Variants in EIF4E3 observed in about 807,000 individuals in gnomAD.
The protein encoded by EIF4E3 is eukaryotic translation initiation factor 4E type 3.
Under a neutral mutation model 31.7 loss-of-function variants are expected in EIF4E3, and 26 were observed. The ratio of observed to expected loss-of-function variants is 0.82; its 90% CI spans 0.60 to 1.14. The LOEUF is 1.14. Ranked by LOEUF, EIF4E3 falls within the 50% of genes most tolerant of loss-of-function variation. EIF4E3 has a pLI of 0.00. For missense variants in EIF4E3, 304 were observed against 270.9 expected (o/e 1.12, Z -0.86); for synonymous variants, 128 against 107.7 (o/e 1.19, Z -1.17).
At chr3:71,699,007 G>A (rs1260417172) in intron 3 of EIF4E3, among the ~76,000 whole-genome samples, 2 of 152,144 alleles carry the variant, frequency 1.3e-5, no homozygotes, top group Non-Finnish European at 2.9e-5. Flanking sequence ...CATTGCTGGA[G>A]CCCAGGAGTT....
At chr3:71,659,717 T>G in the EIF4E3 span, among the ~76,000 whole-genome samples, 1 of 152,210 alleles carries the variant, frequency 6.6e-6, no homozygotes. Context: ...TCTCACACTG[T>G]GGTCACAACA....
rs759031097 is a variant in EIF4E3 at position 71,679,403 on chromosome 3, T to A, written c.*5279A>T. On this transcript the variant is annotated 3_prime_UTR_variant, in exon 7 of 7. Coordinates refer to ENST00000425534, the MANE Select transcript of EIF4E3 (RefSeq NM_001134651.2). ...TGACTTCGATATTAGAAATTGAAAT[T>A]TTCATAAAGAAATCTTGCATTTCAC... The A allele has an allele frequency of 5.3e-5, 8 of 152,186 alleles. No individual in the cohort carries two copies. Among genetic ancestry groups the A allele is most frequent in the Non-Finnish European group, 1.2e-4 (8 of 68,000 alleles). The allele number at this position is 152,186 out of a possible 1,614,324, so 9.4% of individuals were successfully genotyped here. A position where few individuals can be genotyped will look rare whatever the true frequency, so the allele number is the denominator to read the frequency against.
At chr3:71,744,900 G>C (rs2049855948) in intron 1 of EIF4E3, among the ~76,000 whole-genome samples, 1 of 152,236 alleles carries the variant, frequency 6.6e-6, no homozygotes, top group African/African-American at 2.4e-5. Flanking sequence ...GAAGAGAACA[G>C]CATGCTTTGG....
intron 1 of EIF4E3, among the ~76,000 whole-genome samples, chr3:71,749,786 T>G (rs2049908845): frequency 6.6e-6 from 1 of 152,172 alleles, no homozygotes; most frequent in Admixed American, 6.5e-5. Context: ...AGGAAAAAAA[T>G]GTCATAGAGC....
intron 1 of EIF4E3, among the ~76,000 whole-genome samples, chr3:71,730,547 T>C (rs905993601): frequency 6.6e-6 from 1 of 152,128 alleles, no homozygotes; most frequent in Non-Finnish European, 1.5e-5. Flanking sequence ...GGAAATGGCA[T>C]GTGTTAAGCA....
intron 1 of EIF4E3, among the ~76,000 whole-genome samples, chr3:71,736,172 G>C (rs544807108): frequency 6.6e-6 from 1 of 152,298 alleles, no homozygotes; most frequent in East Asian, 1.9e-4. Context: ...TGAGGATGTG[G>C]AGCAACAGGA....
chr3:71,665,685 T>C, the EIF4E3 span, among the ~76,000 whole-genome samples: 3 of 152,264 alleles, frequency 2.0e-5, no homozygotes, highest in East Asian at 1.9e-4. Context: ...TATTCTAAAA[T>C]TGACCACATA....
intron 1 of EIF4E3, among the ~76,000 whole-genome samples, chr3:71,741,194 GCACA>G (rs147940981): frequency 6.5e-4 from 97 of 149,300 alleles, no homozygotes; most frequent in Non-Finnish European, 1.2e-3. Context: ...ACATGCACGC[GCACA>G]CACACACACA....
At chr3:71,666,486 T>C in the EIF4E3 span, among the ~76,000 whole-genome samples, 6 of 152,274 alleles carry the variant, frequency 3.9e-5, no homozygotes, top group East Asian at 7.7e-4. Flanking sequence ...CAGGACCAGA[T>C]GGATTCACAG....
In EIF4E3 at chr3:71,682,097, G is replaced by T. The variant is rs536622538; in HGVS notation, c.*2585C>A. On this transcript the variant is annotated 3_prime_UTR_variant, in exon 7 of 7. Transcript: ENST00000425534. ...AAAATATAGGCAAGTTACTTTAAAT[G>T]GGTATTATTTGTCCTTACTTTCCCA... 1.6e-4 allele frequency: 24 copies of T among 152,290 alleles called. No individual in the cohort carries two copies. The highest frequency in any genetic ancestry group is 5.5e-4 in the African/African-American group (23 of 41,566). The allele number at this position is 152,290 out of a possible 1,614,324, so 9.4% of individuals were successfully genotyped here.
intron 2 of EIF4E3, among the ~76,000 whole-genome samples, chr3:71,710,109 G>C (rs895108838): frequency 6.6e-6 from 1 of 152,200 alleles, no homozygotes; most frequent in Non-Finnish European, 1.5e-5. Flanking sequence ...CACAGATAAA[G>C]ATCTTGAAAA....
chr3:71,725,199 GC>G lies in EIF4E3; in HGVS notation c.168del (p.Trp56CysfsTer18). ...GVPLHSSWTF[W>X]LDRSLPGATA... is the part of the protein sequence containing the mutation. ...GGCCCCGCGCCCCCTCACCTGTCGAGCCAGAAGGTCCAGGACGAGTGCAGCG... is the reference window on the plus strand; with the variant it reads ...GGCCCCGCGCCCCCTCACCTGTCGAGCAGAAGGTCCAGGACGAGTGCAGCG... On this transcript the variant is annotated frameshift_variant, in exon 1 of 7. Coordinates refer to ENST00000425534, the MANE Select transcript of EIF4E3 (RefSeq NM_001134651.2). LOFTEE classifies it high-confidence loss of function. This position sits in a 1 kb window ranked among gnomAD's most constrained non-coding sequence, Gnocchi z 6.1. 1 of 1,122,870 alleles carries G rather than the reference GC, an allele frequency of 8.9e-7. No individual in the cohort carries two copies. Among genetic ancestry groups the G allele is most frequent in the Non-Finnish European group, 1.1e-6 (1 of 915,520 alleles). The allele number at this position is 1,122,870 out of a possible 1,614,324, so 69.6% of individuals were successfully genotyped here. A position where few individuals can be genotyped will look rare whatever the true frequency, so the allele number is the denominator to read the frequency against.
chr3:71,696,643 G>T, intron 3 of EIF4E3, 123 bp from the exon 4 acceptor site: 2 of 1,092,810 alleles, frequency 1.8e-6, no homozygotes, highest in Non-Finnish European at 2.6e-6. Context: ...AAATAGTTGG[G>T]CATTTTTCTT....
At chr3:71,740,502 G>A (rs576354690) in intron 1 of EIF4E3, among the ~76,000 whole-genome samples, 3 of 152,366 alleles carry the variant, frequency 2.0e-5, no homozygotes, top group African/African-American at 7.2e-5. Context: ...GGGAGGCCAA[G>A]GCAGGTGGAT....
chr3:71,749,545 C>A (rs905252878), intron 1 of EIF4E3, among the ~76,000 whole-genome samples: 2 of 152,200 alleles, frequency 1.3e-5, no homozygotes, highest in Non-Finnish European at 2.9e-5. Context: ...AAACAGGATA[C>A]ACTGGCCAGA....
At chr3:71,724,661 T>C (rs2108121171) in intron 1 of EIF4E3, among the ~76,000 whole-genome samples, 1 of 152,302 alleles carries the variant, frequency 6.6e-6, no homozygotes, top group East Asian at 1.9e-4. Flanking sequence ...GAGGAAGAAC[T>C]GGAAGAGGAG....
At chr3:71,747,519 C>T (rs1005788859) in intron 1 of EIF4E3, among the ~76,000 whole-genome samples, 1 of 152,130 alleles carries the variant, frequency 6.6e-6, no homozygotes, top group Non-Finnish European at 1.5e-5. Context: ...GGATACAAGT[C>T]CCCCATCAGA....
intron 1 of EIF4E3, among the ~76,000 whole-genome samples, chr3:71,720,356 C>T (rs1000401981): frequency 2.0e-5 from 3 of 151,972 alleles, no homozygotes; most frequent in South Asian, 2.1e-4. Context: ...CCACCATGCC[C>T]GGCTAATTTT....
At chr3:71,709,448 C>G (rs1433974534) in intron 2 of EIF4E3, among the ~76,000 whole-genome samples, 1 of 152,156 alleles carries the variant, frequency 6.6e-6, no homozygotes, top group African/African-American at 2.4e-5. Flanking sequence ...AGTGTGAACA[C>G]AGCTCACTGC....
Sources: gnomAD v4.1 joint callset for allele counts (sites outside exome capture counted in the v4.1 genomes callset) on GRCh38, gnomAD v4.1.1 for gene constraint, Gnocchi (gnomAD v3.1) non-coding constraint, MANE v1.5 for transcripts, NCBI Gene and HGNC (gene_info 2026-07-23, HGNC 2026-07-21) for gene names.